The following SSC5D variants were observed in gnomAD, a reference collection of about 807,000 sequenced individuals.
The protein encoded by SSC5D is soluble scavenger receptor cysteine-rich domain-containing protein SSC5D.
Under a neutral mutation model 104.6 loss-of-function variants are expected in SSC5D, and 106 were observed. The observed-to-expected ratio is 1.01, with a 90% confidence interval of 0.87 to 1.19. The LOEUF (loss-of-function observed/expected upper bound fraction) is 1.19. SSC5D is among the 50% of genes most tolerant of loss of function. SSC5D has a pLI of 0.00. For missense variants in SSC5D, 1,993 were observed against 2,153.8 expected, an observed-to-expected ratio of 0.93 and a Z score of 1.48; for synonymous variants, 860 against 883.5, an observed-to-expected ratio of 0.97 and a Z score of 0.47.
Position 55,501,178 on chromosome 19 carries a change from C to A in SSC5D, c.2762C>A (p.Ala921Glu). The A allele has an allele frequency of 6.5e-7, 1 of 1,538,390 alleles. No individual in the cohort carries two copies. The change falls in exon 12 of 14, where the codon GCA becomes GAA. Residue 921 changes from alanine to glutamate, a missense_variant. Ala to Glu is a moderately radical substitution (Grantham distance 107). Transcript: ENST00000389623. Reference protein sequence around the residue: ...TTRRPGSSSPAIRRLPDTGSK... With the variant: ...TTRRPGSSSPEIRRLPDTGSK... ...CGGCGCCCGGGTAGCTCCTCCCCAGCAATAAGGCGCCTGCCGGACACAGGT... is the reference window on the plus strand; with the variant it reads ...CGGCGCCCGGGTAGCTCCTCCCCAGAAATAAGGCGCCTGCCGGACACAGGT...
chr19:55,495,234 T>TATATATATATATATATAA (rs56232242), intron 8 of SSC5D, among the ~76,000 whole-genome samples: 2 of 22,246 alleles, frequency 9.0e-5, no homozygotes, highest in East Asian at 3.8e-3. Flanking sequence ...TATATATATA[T>TATATATATATATATATAA]TTTTTTTTTT....
rs751089935 is a variant in SSC5D at position 55,500,526 on chromosome 19, G to A, written c.2339G>A (p.Arg780His). Reference sequence around the variant, plus strand: ...GTTCGTCTGGCCGATGGGCCCAACCGCTGTGCTGGCCGGCTGGAAGTGTGG... The same window carrying A: ...GTTCGTCTGGCCGATGGGCCCAACCACTGTGCTGGCCGGCTGGAAGTGTGG... ...FRVRLADGPN[R>H]CAGRLEVWHA... The change falls in exon 11 of 14, where the codon CGC becomes CAC. Residue 780 changes from arginine (R) to histidine (H), a missense_variant. This residue lies in a region of SSC5D where 70 missense variants were observed against 107.1 expected (regional missense o/e 0.65). Coordinates refer to ENST00000389623, the MANE Select transcript of SSC5D (RefSeq NM_001144950.2). This position sits in a 1 kb window ranked among gnomAD's most constrained non-coding sequence, Gnocchi z 4.6. 41 of 1,551,708 alleles carry A rather than the reference G, an allele frequency of 2.6e-5. No individual in the cohort carries two copies. The highest frequency in any genetic ancestry group is 3.6e-5 in the South Asian group (3 of 84,060).
At chr19:55,502,653 A>C (rs1722485757) in intron 12 of SSC5D, among the ~76,000 whole-genome samples, 1 of 151,968 alleles carries the variant, frequency 6.6e-6, no homozygotes, top group African/African-American at 2.4e-5. Flanking sequence ...TTTTCATGGT[A>C]AATTTCTCTC....
In SSC5D at chr19:55,499,940, C is replaced by T; in HGVS notation, c.1830C>T (p.Ala610=). The change falls in exon 10 of 14, where the codon GCC becomes GCT. Residue 610 remains alanine, a synonymous_variant. Transcript: ENST00000389623. ...LATKPSASVT[A]SVLEKTTTKA... ...CCAAGCCCTCTGCAAGTGTGACTGC[C>T]AGTGTTCTGGAGAAAACAACCACGA... 1 of 1,551,858 alleles carries T rather than the reference C, an allele frequency of 6.4e-7. No homozygotes were observed. The highest frequency in any genetic ancestry group is 1.2e-5 in the South Asian group (1 of 84,052).
chr19:55,493,970 GGCAAGTTCGGC>G, intron 7 of SSC5D, 58 bp downstream of exon 7: 2 of 455,668 alleles, frequency 4.4e-6, no homozygotes, highest in South Asian at 2.9e-5. Context: ...GGAGCGGAGG[GGCAAGTTCGGC>G]GGGGGCGGGG....
In SSC5D at chr19:55,518,765, G is replaced by C. The variant is rs1224583685; in HGVS notation, c.4489G>C (p.Val1497Leu). The part of the protein sequence containing the change: ...PPALVELVAA[V>L]RDVGGQLQRL... ...TGCCCTGGTGGAGCTGGTGGCTGCT[G>C]TGAGGGATGTGGGTGGTCAGCTGCA... The change falls in exon 14 of 14, where the codon GTG (valine) becomes CTG (leucine). Residue 1497 changes from valine to leucine, a missense_variant. Coordinates refer to ENST00000389623, the MANE Select transcript of SSC5D (RefSeq NM_001144950.2). The C allele has an allele frequency of 1.3e-6, 2 of 1,550,734 alleles. No homozygotes were observed. The highest frequency in any genetic ancestry group is 2.7e-5 in the African/African-American group (2 of 73,068).
chr19:55,490,264 T>C, intron 4 of SSC5D, 34 bp from the exon 5 acceptor site: 1 of 711,572 alleles, frequency 1.4e-6, no homozygotes, highest in South Asian at 1.6e-5. Context: ...GATGAGGGGC[T>C]CAGCTCCTGA....
At chr19:55,494,368 T>C (rs897436101) in intron 7 of SSC5D, among the ~76,000 whole-genome samples, 2 of 151,666 alleles carry the variant, frequency 1.3e-5, no homozygotes, top group African/African-American at 4.8e-5. Context: ...CACCCCCCGC[T>C]TCTCTGCCAC....
intron 7 of SSC5D, 69 bp downstream of exon 7, chr19:55,493,981 CGGGGGCGGGGGGG>C: frequency 2.2e-5 from 1 of 44,520 alleles, no homozygotes; most frequent in Non-Finnish European, 2.8e-5. Flanking sequence ...GCAAGTTCGG[CGGGGGCGGGGGGG>C]TCCCTACGCG....
At chr19:55,495,985 C>T (rs1216614827) in intron 8 of SSC5D, among the ~76,000 whole-genome samples, 3 of 149,420 alleles carry the variant, frequency 2.0e-5, no homozygotes, top group Admixed American at 1.4e-4. Flanking sequence ...AGGTGATCCT[C>T]CTGTCTTGGC....
intron 8 of SSC5D, among the ~76,000 whole-genome samples, chr19:55,495,233 A>ATATATATATATATATATTTT (rs1555765051): frequency 2.0e-5 from 1 of 50,664 alleles, no homozygotes; most frequent in African/African-American, 9.8e-5. Context: ...ATATATATAT[A>ATATATATATATATATATTTT]TTTTTTTTTT....
rs1987058131 is a variant in SSC5D, at chr19:55,489,346, A to G, written c.53-8A>G. The stretch of plus-strand genomic sequence containing the variant: ...CTCCCCAGTCACAGCCATTCCTCCA[A>G]CCCTCAGAGCGCCTGCGCCTGGCCG... On this transcript the variant is annotated splice_region_variant and splice_polypyrimidine_tract_variant and intron_variant, in intron 2 of 13. Coordinates refer to ENST00000389623, the MANE Select transcript of SSC5D (RefSeq NM_001144950.2). The G allele has an allele frequency of 1.4e-6, 2 of 1,435,468 alleles. No homozygotes were observed. The highest frequency in any genetic ancestry group is 1.8e-6 in the Non-Finnish European group (2 of 1,101,930). 88.9% of individuals were successfully genotyped at this position (1,435,468 alleles called of 1,614,324 possible).
At position 55,489,069 on chromosome 19, in the gene SSC5D, C is replaced by G. The variant is rs774029785; in HGVS notation, c.52+37C>G. The G allele has an allele frequency of 3.3e-5, 36 of 1,085,956 alleles. 1 individual carries two copies. Among genetic ancestry groups the G allele is most frequent in the African/African-American group, 2.0e-4 (12 of 58,852 alleles). The allele number at this position is 1,085,956 out of a possible 1,614,324, so 67.3% of individuals were successfully genotyped here. ...GACTCCTCCCATCTGCCCGCCCCCC[C>G]CCCCAGGCCTCCCCCTTCTGCCCAT... On this transcript the variant is annotated intron_variant, in intron 2 of 13. Coordinates refer to ENST00000389623, the MANE Select transcript of SSC5D (RefSeq NM_001144950.2).
Position 55,513,086 on chromosome 19 carries a change from C to T in SSC5D, c.2861C>T (p.Thr954Ile). ...AGGGGCCTGGCTGAGGGGACCCCTA[C>T]CGCAGGCAAACTAGGACCAACTCTT... ...SGRGLAEGTP[T>I]AGKLGPTLGA... Residue 954 changes from threonine to isoleucine, a missense_variant, in exon 13 of 14, where the codon ACC becomes ATC. Transcript: ENST00000389623. 2.6e-6 allele frequency: 4 copies of T among 1,550,952 alleles called. No homozygotes were observed. The highest frequency in any genetic ancestry group is 3.5e-6 in the Non-Finnish European group (4 of 1,146,534).
At position 55,497,974 on chromosome 19, in the gene SSC5D, T is replaced by G; in HGVS notation, c.1482T>G (p.Asp494Glu). 1 of 1,551,832 alleles carries G rather than the reference T, an allele frequency of 6.4e-7. No individual in the cohort carries two copies. The highest frequency in any genetic ancestry group is 1.2e-5 in the South Asian group (1 of 84,052). The change falls in exon 9 of 14, where the codon GAT becomes GAG. Residue 494 changes from aspartate (D) to glutamate (E), a missense_variant. Asp to Glu is a conservative substitution (Grantham distance 45). Coordinates refer to ENST00000389623, the MANE Select transcript of SSC5D (RefSeq NM_001144950.2). ...HDQRWGTVCDDSWDMRDSAVV... is the reference protein window; with the variant it reads ...HDQRWGTVCDESWDMRDSAVV... ...AGCGCTGGGGGACCGTGTGTGACGATAGCTGGGACATGCGGGATTCAGCTG... is the reference window on the plus strand; with the variant it reads ...AGCGCTGGGGGACCGTGTGTGACGAGAGCTGGGACATGCGGGATTCAGCTG...
intron 13 of SSC5D, among the ~76,000 whole-genome samples, chr19:55,515,624 C>T (rs559225382): frequency 5.3e-5 from 8 of 150,060 alleles, no homozygotes; most frequent in East Asian, 4.0e-4. Flanking sequence ...CCCAGCTTCT[C>T]GGGAGGCTGA....
intron 13 of SSC5D, 86 bp downstream of exon 13, chr19:55,513,258 T>C: frequency 7.6e-7 from 1 of 1,317,304 alleles, no homozygotes. Flanking sequence ...ACTGGAACCC[T>C]TACCCCAGAA....
At chr19:55,507,732 A>G (rs1413707551) in intron 12 of SSC5D, among the ~76,000 whole-genome samples, 2 of 151,638 alleles carry the variant, frequency 1.3e-5, no homozygotes, top group Non-Finnish European at 2.9e-5. Context: ...TTTAAGTGAG[A>G]AGGCCCTGAG....
intron 12 of SSC5D, among the ~76,000 whole-genome samples, chr19:55,507,186 A>G (rs1987654446): frequency 6.6e-6 from 1 of 151,064 alleles, no homozygotes; most frequent in Non-Finnish European, 1.5e-5. Context: ...AAATAAAAAT[A>G]AAATAAAAAA....
Sources: allele counts gnomAD v4.1 joint callset (sites outside exome capture counted in the v4.1 genomes callset), GRCh38; gene constraint gnomAD v4.1.1; regional missense constraint gnomAD v4.1.1; non-coding constraint Gnocchi (gnomAD v3.1); transcripts MANE v1.5; gene names NCBI Gene and HGNC (gene_info 2026-07-23, HGNC 2026-07-21).